The following NTM variants were observed in gnomAD, a reference collection of about 807,000 sequenced individuals.
NTM encodes the protein IgLON family member 2.
Under a neutral mutation model 42.1 loss-of-function variants are expected in NTM, and 13 were observed. That is an observed-to-expected ratio of 0.31 (90% CI 0.20 to 0.49). NTM has a LOEUF of 0.49. Ranked by LOEUF, NTM falls within the 20% of genes least tolerant of loss-of-function variation. The pLI, the probability that NTM is intolerant of heterozygous loss-of-function variation, is 0.99. For missense variants in NTM, 373 were observed against 452.8 expected, an observed-to-expected ratio of 0.82 and a Z score of 1.60; for synonymous variants, 187 against 179.2, an observed-to-expected ratio of 1.04 and a Z score of -0.35.
chr11:131,789,805 A>AAT (rs1267319629), intron 1 of NTM, among the ~76,000 whole-genome samples: 1 of 149,720 alleles, frequency 6.7e-6, no homozygotes, highest in Non-Finnish European at 1.5e-5. Context: ...AAATACAAAA[A>AAT]ATTAGCCGGG....
intron 1 of NTM, among the ~76,000 whole-genome samples, chr11:131,461,171 T>C (rs966425742): frequency 6.6e-6 from 1 of 152,232 alleles, no homozygotes; most frequent in African/African-American, 2.4e-5. Context: ...TCTACGGGTA[T>C]GCCTGTGGGC....
chr11:132,153,511 C>T (rs779961417), intron 3 of NTM, among the ~76,000 whole-genome samples: 4 of 152,150 alleles, frequency 2.6e-5, no homozygotes, highest in Non-Finnish European at 5.9e-5. Flanking sequence ...CAGAAGGTCA[C>T]CCATACAGAG....
chr11:131,985,967 G>A (rs1407724226), intron 2 of NTM, among the ~76,000 whole-genome samples: 1 of 152,160 alleles, frequency 6.6e-6, no homozygotes, highest in Non-Finnish European at 1.5e-5. Context: ...CAGCCCCGAA[G>A]TACCCAATAA....
chr11:131,799,961 A>AGAAAAACAG lies in NTM; in HGVS notation c.83-111603_83-111602insGAAAAACAG, dbSNP rs559530825. 5.3e-4 allele frequency among the ~76,000 whole-genome samples: 81 copies of AGAAAAACAG among 152,242 alleles called. 1 individual carries two copies. In the South Asian group the frequency reaches 0.017, roughly 31 times the overall value. On this transcript the variant is annotated intron_variant, in intron 1 of 8. Transcript: ENST00000683400. ...AACTTTGATGAAACTCCTTGCCTTTATTTGAAAATGGGGAAACAGTAGCCA... is the reference window on the plus strand; with the variant it reads ...AACTTTGATGAAACTCCTTGCCTTTAGAAAAACAGTTTGAAAATGGGGAAACAGTAGCCA...
chr11:131,869,488 C>T (rs183473935), intron 1 of NTM, among the ~76,000 whole-genome samples: 1 of 152,322 alleles, frequency 6.6e-6, no homozygotes, highest in East Asian at 1.9e-4. Context: ...ACTGGCTTCC[C>T]GAGAAATTGG....
At chr11:131,407,984 C>T (rs1179292798) in intron 1 of NTM, among the ~76,000 whole-genome samples, 2 of 152,190 alleles carry the variant, frequency 1.3e-5, no homozygotes, top group East Asian at 1.9e-4. Flanking sequence ...GAAAGTAGCG[C>T]GGCCCCCAGC....
At chr11:131,973,846 A>G (rs1377020028) in intron 2 of NTM, among the ~76,000 whole-genome samples, 1 of 152,060 alleles carries the variant, frequency 6.6e-6, no homozygotes, top group Non-Finnish European at 1.5e-5. Flanking sequence ...AAGAAGAGTA[A>G]CTGGCACAGC....
At chr11:131,529,113 T>C (rs1027860194) in intron 1 of NTM, among the ~76,000 whole-genome samples, 1 of 152,202 alleles carries the variant, frequency 6.6e-6, no homozygotes, top group Admixed American at 6.5e-5. Context: ...AGAGAAGCTG[T>C]CATGCAGTTT....
At chr11:131,541,910 C>T (rs2136807971) in intron 1 of NTM, among the ~76,000 whole-genome samples, 1 of 152,306 alleles carries the variant, frequency 6.6e-6, no homozygotes, top group Admixed American at 6.5e-5. Context: ...TCCAGTGTGT[C>T]TCTTTATACA....
intron 1 of NTM, among the ~76,000 whole-genome samples, chr11:131,671,043 C>T (rs1158430743): frequency 6.6e-6 from 1 of 152,156 alleles, no homozygotes; most frequent in Admixed American, 6.5e-5. Flanking sequence ...ACTCCATCCT[C>T]CCTTCTCTGT....
intron 1 of NTM, among the ~76,000 whole-genome samples, chr11:131,753,911 A>G: frequency 6.6e-6 from 1 of 151,146 alleles, no homozygotes; most frequent in African/African-American, 2.4e-5. Flanking sequence ...AATTAAAAAA[A>G]GAAAATGTGG....
intron 2 of NTM, among the ~76,000 whole-genome samples, chr11:132,036,843 C>T (rs2076568171): frequency 6.6e-6 from 1 of 152,050 alleles, no homozygotes; most frequent in Admixed American, 6.6e-5. Flanking sequence ...TAGGTGGATT[C>T]CTAATCCTTG....
At chr11:132,061,636 C>T (rs1156732014) in intron 2 of NTM, among the ~76,000 whole-genome samples, 4 of 152,160 alleles carry the variant, frequency 2.6e-5, no homozygotes, top group East Asian at 1.9e-4. Flanking sequence ...TGAATTTACA[C>T]GCCTAACTTA....
chr11:132,091,566 G>A (rs991796230), intron 2 of NTM, among the ~76,000 whole-genome samples: 5 of 151,590 alleles, frequency 3.3e-5, no homozygotes, highest in South Asian at 2.1e-4. Context: ...CTGCAGCCTC[G>A]ACCTCCCTGC....
intron 2 of NTM, among the ~76,000 whole-genome samples, chr11:131,919,333 T>C (rs1436687020): frequency 2.6e-5 from 4 of 152,144 alleles, no homozygotes; most frequent in Admixed American, 1.3e-4. Flanking sequence ...AAATAAATAA[T>C]AAGCAATACT....
intron 1 of NTM, among the ~76,000 whole-genome samples, chr11:131,585,226 G>GT (rs1174702388): frequency 6.6e-6 from 1 of 152,186 alleles, no homozygotes; most frequent in East Asian, 1.9e-4. Context: ...TTCCGGAGGG[G>GT]TTTTTCCCCC....
At chr11:132,124,453 C>T (rs1435556652) in intron 2 of NTM, among the ~76,000 whole-genome samples, 1 of 152,220 alleles carries the variant, frequency 6.6e-6, no homozygotes, top group Non-Finnish European at 1.5e-5. Context: ...ACTTAAAATG[C>T]CCTTCACGAA....
intron 1 of NTM, among the ~76,000 whole-genome samples, chr11:131,639,262 T>C (rs1936067720): frequency 6.6e-6 from 1 of 151,302 alleles, no homozygotes; most frequent in Admixed American, 6.6e-5. Context: ...AAAGTGATAC[T>C]ACTACTTTGG....
chr11:131,808,494 C>T (rs1269122030), intron 1 of NTM, among the ~76,000 whole-genome samples: 1 of 152,192 alleles, frequency 6.6e-6, no homozygotes, highest in African/African-American at 2.4e-5. Context: ...TCTCTGTGAA[C>T]TTAAGAAAGC....
Sources: allele counts gnomAD v4.1 joint callset (sites outside exome capture counted in the v4.1 genomes callset), GRCh38; gene constraint gnomAD v4.1.1; transcripts MANE v1.5; gene names NCBI Gene and HGNC (gene_info 2026-07-23, HGNC 2026-07-21).